PSMD1: variants seen among roughly 807,000 people sequenced by gnomAD.
The protein encoded by PSMD1 is 26S proteasome non-ATPase regulatory subunit 1.
In PSMD1, 18 loss-of-function variants were observed where a neutral mutation model predicts 119.0. The ratio of observed to expected loss-of-function variants is 0.15; its 90% CI spans 0.10 to 0.22. The LOEUF (loss-of-function observed/expected upper bound fraction) is 0.22, where lower values mean the gene tolerates loss of function less well. Ranked by LOEUF, PSMD1 falls within the 10% of genes least tolerant of loss-of-function variation. PSMD1 has a pLI of 1.00. For synonymous variants in PSMD1, 374 were observed against 396.6 expected (o/e 0.94, Z 0.68); for missense variants, 702 against 1,158.5 (o/e 0.61, Z 5.72).
intron 19 of PSMD1, among the ~76,000 whole-genome samples, chr2:231,155,688 T>C (rs886926546): frequency 6.6e-6 from 1 of 152,008 alleles, no homozygotes; most frequent in Non-Finnish European, 1.5e-5. Flanking sequence ...GAGGCAAATG[T>C]TCCTCTCTTT....
At chr2:231,111,320 G>A (rs1695149542) in intron 16 of PSMD1, among the ~76,000 whole-genome samples, 1 of 152,114 alleles carries the variant, frequency 6.6e-6, no homozygotes, top group South Asian at 2.1e-4. Context: ...TCTGTTTCCT[G>A]TTATTTTTAT....
intron 18 of PSMD1, among the ~76,000 whole-genome samples, chr2:231,148,473 T>C (rs1696298549): frequency 6.6e-6 from 1 of 152,232 alleles, no homozygotes; most frequent in Non-Finnish European, 1.5e-5. Context: ...GAACTGTTAT[T>C]GAACCAAGTC....
chr2:231,101,706 A>G (rs1286191831), intron 16 of PSMD1, among the ~76,000 whole-genome samples: 2 of 152,200 alleles, frequency 1.3e-5, no homozygotes, highest in African/African-American at 4.8e-5. Flanking sequence ...AGCAACCACC[A>G]CCCTGATCAG....
intron 16 of PSMD1, among the ~76,000 whole-genome samples, chr2:231,098,641 C>T (rs547744524): frequency 1.3e-5 from 2 of 152,168 alleles, no homozygotes; most frequent in East Asian, 3.9e-4. Context: ...CCCTCTCCTT[C>T]CACTTCCTCT....
intron 16 of PSMD1, among the ~76,000 whole-genome samples, chr2:231,118,736 G>A (rs1207295769): frequency 1.3e-5 from 2 of 152,224 alleles, no homozygotes; most frequent in African/African-American, 4.8e-5. Flanking sequence ...TACACTATTT[G>A]TCCGGAAAAT....
At chr2:231,123,880 A>G in intron 16 of PSMD1, 1 of 810,862 alleles carries the variant, frequency 1.2e-6, no homozygotes, top group South Asian at 1.4e-5. Flanking sequence ...CAAAAGCCAA[A>G]GTTGACACCT....
rs1693609681 is a variant in PSMD1, at chr2:231,057,018, G to A, written c.-8G>A. On this transcript the variant is annotated 5_prime_UTR_variant, in exon 1 of 25. Transcript: ENST00000308696. Reference sequence around the variant, plus strand: ...GAGCGAGCCGACGGGCGAGTGAGGGGCGCAGCCATGATCACCTCGGCCGGT... The same window carrying A: ...GAGCGAGCCGACGGGCGAGTGAGGGACGCAGCCATGATCACCTCGGCCGGT... 1.3e-6 allele frequency: 2 copies of A among 1,538,668 alleles called. No homozygotes were observed. Among genetic ancestry groups the A allele is most frequent in the African/African-American group, 1.4e-5 (1 of 71,092 alleles).
chr2:231,161,023 C>A (rs1696626304), intron 19 of PSMD1, among the ~76,000 whole-genome samples: 1 of 152,052 alleles, frequency 6.6e-6, no homozygotes, highest in East Asian at 1.9e-4. Flanking sequence ...CTAGCCTGGG[C>A]AACATAGTGA....
At chr2:231,127,395 C>A (rs1695752088) in intron 16 of PSMD1, among the ~76,000 whole-genome samples, 1 of 152,134 alleles carries the variant, frequency 6.6e-6, no homozygotes, top group Admixed American at 6.5e-5. Flanking sequence ...TCCTCTGTCA[C>A]CCAGGCTGGA....
intron 16 of PSMD1, chr2:231,108,830 A>G: frequency 1.2e-6 from 2 of 1,614,120 alleles, no homozygotes; most frequent in Admixed American, 1.7e-5. Flanking sequence ...GGTGTAGACC[A>G]AAGGATTCAC....
At chr2:231,171,722 G>A (rs1207300422) in intron 24 of PSMD1, among the ~76,000 whole-genome samples, 1 of 151,790 alleles carries the variant, frequency 6.6e-6, no homozygotes, top group Admixed American at 6.6e-5. Context: ...ACACCCGGCT[G>A]ATTTTGTATT....
At chr2:231,153,482 T>C (rs1696415248) in intron 18 of PSMD1, 82 bp from the exon 19 acceptor site, 4 of 985,436 alleles carry the variant, frequency 4.1e-6, no homozygotes, top group Non-Finnish European at 6.4e-6. Context: ...CTCATTATCA[T>C]TGGAGCAATA....
rs1427049733 is a variant in PSMD1 at position 231,162,808 on chromosome 2, C to T, written c.2389-827C>T. On this transcript the variant is annotated intron_variant, in intron 20 of 24. Coordinates refer to ENST00000308696, the MANE Select transcript of PSMD1 (RefSeq NM_002807.4). ...CACCACTGCACTCCAGTCTGAGCAA[C>T]AGGGTGAAACTCTGTCTCAAAAAAA... 2.2e-5 allele frequency among the ~76,000 whole-genome samples: 3 copies of T among 136,342 alleles called. No homozygotes were observed. The Admixed American group carries it at 2.3e-4, about 10-fold the overall frequency. The allele number at this position is 136,342 out of a possible 152,430, so 89.4% of individuals were successfully genotyped here.
chr2:231,070,504 T>A (rs1694017964), intron 6 of PSMD1, among the ~76,000 whole-genome samples: 1 of 152,158 alleles, frequency 6.6e-6, no homozygotes, highest in South Asian at 2.1e-4. Context: ...TATGCTATAC[T>A]ATATCATTCT....
chr2:231,123,378 G>T, intron 16 of PSMD1: 1 of 1,418,722 alleles, frequency 7.0e-7, no homozygotes, highest in Non-Finnish European at 1.0e-6. Flanking sequence ...TCATAGTTCT[G>T]TGGTTTGATG....
At chr2:231,094,478 G>T (rs1694679120) in intron 16 of PSMD1, among the ~76,000 whole-genome samples, 1 of 152,174 alleles carries the variant, frequency 6.6e-6, no homozygotes, top group Admixed American at 6.5e-5. Flanking sequence ...CTCGAGAATG[G>T]ACTTGAGGGC....
chr2:231,099,560 A>G (rs992953284), intron 16 of PSMD1, among the ~76,000 whole-genome samples: 18 of 152,056 alleles, frequency 1.2e-4, no homozygotes, highest in Admixed American at 1.1e-3. Flanking sequence ...TACCATCTTT[A>G]TCTCCCTTGC....
At chr2:231,113,777 GT>G (rs1559236123) in intron 16 of PSMD1, 1 of 1,614,086 alleles carries the variant, frequency 6.2e-7, no homozygotes, top group Non-Finnish European at 8.5e-7. Flanking sequence ...GCTGTAGCCC[GT>G]GAGTTATATT....
At chr2:231,058,026 A>G (rs1286226979) in intron 1 of PSMD1, among the ~76,000 whole-genome samples, 1 of 152,232 alleles carries the variant, frequency 6.6e-6, no homozygotes, top group African/African-American at 2.4e-5. Flanking sequence ...AGGATTGGTT[A>G]AGGAGATCGT....
Sources: gnomAD v4.1 joint callset for allele counts (sites outside exome capture counted in the v4.1 genomes callset) on GRCh38, gnomAD v4.1.1 for gene constraint, MANE v1.5 for transcripts, NCBI Gene and HGNC (gene_info 2026-07-23, HGNC 2026-07-21) for gene names.